OR2T33: variants seen among roughly 807,000 people sequenced by gnomAD.
The protein encoded by OR2T33 is olfactory receptor 2T33.
In OR2T33, 10 loss-of-function variants were observed where a neutral mutation model predicts 14.0. That is an observed-to-expected ratio of 0.72 (90% confidence interval 0.44 to 1.22). The LOEUF (loss-of-function observed/expected upper bound fraction) is 1.22, where lower values mean the gene tolerates loss of function less well. Ranked by LOEUF, OR2T33 falls within the 50% of genes most tolerant of loss-of-function variation. The pLI is 0.00. For synonymous variants in OR2T33, 103 were observed against 159.4 expected, an observed-to-expected ratio of 0.65 and a Z score of 2.66; for missense variants, 276 against 405.9, an observed-to-expected ratio of 0.68 and a Z score of 2.75.
intron 1 of OR2T33, among the ~76,000 whole-genome samples, chr1:248,275,101 C>T (rs1360930427): frequency 6.6e-6 from 1 of 152,136 alleles, no homozygotes; most frequent in African/African-American, 2.4e-5. Flanking sequence ...ATAGAATATT[C>T]GCAAATGTCA....
rs149706190 is a variant in OR2T33, at chr1:248,273,275, G to A, written c.540C>T (p.Pro180=). The change falls in exon 2 of 2, where the codon CCC becomes CCT. Residue 180 remains proline, a synonymous_variant. Transcript: ENST00000641220. ...CAGCACAAGCCAAACGCACCAGCAC[G>A]GGGGTCTCGCAGAAGAAGTGATCGA... ...HEIDHFFCET[P]VLVRLACADT... 15 of 1,610,160 alleles carry A rather than the reference G, an allele frequency of 9.3e-6. No homozygotes were observed. The highest frequency in any genetic ancestry group is 8.4e-5 in the Admixed American group (5 of 59,868).
chr1:248,276,643 G>T (rs1659450239), intron 1 of OR2T33, among the ~76,000 whole-genome samples: 1 of 151,898 alleles, frequency 6.6e-6, no homozygotes, highest in South Asian at 2.1e-4. Flanking sequence ...CTTTAATTTG[G>T]AACCATTGTT....
Position 248,272,829 on chromosome 1 carries a change from A to G in OR2T33, c.*23T>C, listed in dbSNP as rs1438401678. On this transcript the variant is annotated 3_prime_UTR_variant, in exon 2 of 2. Coordinates refer to ENST00000641220, the MANE Select transcript of OR2T33 (RefSeq NM_001004695.2). ...TGTTAAAATATTAATAAATTCAGGA[A>G]CTTAGACTCATTTGACATTAGATCA... 6.3e-7 allele frequency: 1 copy of G among 1,587,988 alleles called. No homozygotes were observed. Among genetic ancestry groups the G allele is most frequent in the Admixed American group, 1.8e-5 (1 of 54,862 alleles).
rs1348360813 is a variant in OR2T33 at position 248,270,869 on chromosome 1, A to G, written c.*1983T>C. On this transcript the variant is annotated 3_prime_UTR_variant, in exon 2 of 2. Coordinates refer to ENST00000641220, the MANE Select transcript of OR2T33 (RefSeq NM_001004695.2). ...ACAGGCTAGCCAAAAAGCAGGAAAA[A>G]ATATTTATAGTACAGATGTTTGACA... The G allele has an allele frequency of 1.3e-5, 2 of 152,156 alleles. No individual in the cohort carries two copies. Among genetic ancestry groups the G allele is most frequent in the Admixed American group, 1.3e-4 (2 of 15,270 alleles). The allele number at this position is 152,156 out of a possible 1,614,324, so 9.4% of individuals were successfully genotyped here. A position where few individuals can be genotyped will look rare whatever the true frequency, so the allele number is the denominator to read the frequency against.
Position 248,273,374 on chromosome 1 carries a change from C to G in OR2T33, c.441G>C (p.Trp147Cys), listed in dbSNP as rs758592959. 6 of 1,612,144 alleles carry G rather than the reference C, an allele frequency of 3.7e-6. No homozygotes were observed. The South Asian group carries it at 6.6e-5, about 18-fold the overall frequency. The stretch of plus-strand genomic sequence containing the variant: ...GGAGCCCGTCAGCTGCACCCAGGAG[C>G]CAACACGACATGGTCATCCTCAGGC... Reference protein sequence around the residue: ...QLCLRMTMSCWLLGAADGLLQ... With the variant: ...QLCLRMTMSCCLLGAADGLLQ... The change falls in exon 2 of 2, where the codon TGG becomes TGC. Residue 147 changes from tryptophan (W) to cysteine (C), a missense_variant. Physicochemically the swap from Trp to Cys is radical, Grantham distance 215. Transcript: ENST00000641220.
At position 248,273,431 on chromosome 1, in the gene OR2T33, G is replaced by C. The variant is rs1459655835; in HGVS notation, c.384C>G (p.Leu128=). 1.9e-6 allele frequency: 3 copies of C among 1,612,628 alleles called. No individual in the cohort carries two copies. The highest frequency in any genetic ancestry group is 2.2e-5 in the South Asian group (2 of 91,008). ...YDRYAAVCHP[L]RYPTLMSWQL... ...GCCAGCTCATGAGAGTGGGATATCG[G>C]AGTGGGTGGCAGACAGCCGCATAGC... Residue 128 remains leucine (L), a synonymous_variant, in exon 2 of 2, where the codon CTC becomes CTG. Coordinates refer to ENST00000641220, the MANE Select transcript of OR2T33 (RefSeq NM_001004695.2).
rs765324295 is a variant in OR2T33 at position 248,273,110 on chromosome 1, G to C, written c.705C>G (p.Ala235=). 6.2e-7 allele frequency: 1 copy of C among 1,612,068 alleles called. No homozygotes were observed. Among genetic ancestry groups the C allele is most frequent in the Admixed American group, 1.7e-5 (1 of 59,978 alleles). ...CCACATGTGAAGAGCAGGTGGCAAAGGCCTTCTTGCGGGCTTCTGTAGAGC... is the reference window on the plus strand; with the variant it reads ...CCACATGTGAAGAGCAGGTGGCAAACGCCTTCTTGCGGGCTTCTGTAGAGC... ...HMRSTEARKK[A]FATCSSHVAV... Residue 235 remains alanine, a synonymous_variant, in exon 2 of 2, where the codon GCC becomes GCG. Transcript: ENST00000641220.
rs150714820 is a variant in OR2T33 at position 248,273,730 on chromosome 1, C to G, written c.85G>C (p.Val29Leu). The change falls in exon 2 of 2, where the codon GTT becomes CTT. Residue 29 changes from valine to leucine, a missense_variant. Val to Leu is a conservative substitution (Grantham distance 32). Transcript: ENST00000641220. ...TRAHQVLFMM[V>L]LSIVLTSLFG... ...AGGGAGGTCAAAACGATACTCAGAA[C>G]CATCATGAAGAGGACTTGGTGGGCT... 2.1e-3 allele frequency: 3,448 copies of G among 1,610,278 alleles called. 13 individuals carry two copies. In the African/African-American group the frequency reaches 0.029, roughly 14 times the overall value.
rs1486760162 is a variant in OR2T33 at position 248,273,538 on chromosome 1, C to T, written c.277G>A (p.Ala93Thr). 12 of 1,612,786 alleles carry T rather than the reference C, an allele frequency of 7.4e-6. No individual in the cohort carries two copies. The East Asian group carries it at 1.1e-4, about 15-fold the overall frequency. The change falls in exon 2 of 2, where the codon GCT becomes ACT. Residue 93 changes from alanine (A) to threonine (T), a missense_variant. Transcript: ENST00000641220. ...AAGAAGATCTGCACACCACAGCCAGCGCGGGAGATGGCCTTACTTCCGGTC... is the reference window on the plus strand; with the variant it reads ...AAGAAGATCTGCACACCACAGCCAGTGCGGGAGATGGCCTTACTTCCGGTC... ...YLTGSKAISR[A>T]GCGVQIFFLP...
intron 1 of OR2T33, among the ~76,000 whole-genome samples, chr1:248,275,629 A>G (rs976290752): frequency 2.6e-5 from 4 of 152,058 alleles, no homozygotes; most frequent in African/African-American, 9.7e-5. Context: ...CCAAACCACC[A>G]TCGCGCGTGT....
In OR2T33 at chr1:248,273,646, T is replaced by A. The variant is rs1194102717; in HGVS notation, c.169A>T (p.Met57Leu). ...GAAAGTTGGCTCAGGAGGAAGTACATGGGCGTGTGGAGCCGGTGGTCCCAG... is the reference window on the plus strand; with the variant it reads ...GAAAGTTGGCTCAGGAGGAAGTACAAGGGCGTGTGGAGCCGGTGGTCCCAG... ...IHWDHRLHTPMYFLLSQLSLM... is the reference protein window; with the variant it reads ...IHWDHRLHTPLYFLLSQLSLM... Residue 57 changes from methionine to leucine, a missense_variant, in exon 2 of 2, where the codon ATG becomes TTG. Transcript: ENST00000641220. The A allele has an allele frequency of 6.2e-7, 1 of 1,613,694 alleles. No homozygotes were observed. The highest frequency in any genetic ancestry group is 1.3e-5 in the African/African-American group (1 of 74,862).
rs147622928 is a variant in OR2T33, at chr1:248,273,036, G to A, written c.779C>T (p.Pro260Leu). 321 of 1,613,802 alleles carry A rather than the reference G, an allele frequency of 2.0e-4. No individual in the cohort carries two copies. Among genetic ancestry groups the A allele is most frequent in the Admixed American group, 4.5e-4 (27 of 59,998 alleles). ...ATGGTTAGTGGACCTATGGGATTTG[G>A]GTCTCATATAGGTAAAAATGGCAGC... ...YGAAIFTYMR[P>L]KSHRSTNHDK... Residue 260 changes from proline to leucine, a missense_variant, in exon 2 of 2, where the codon CCC (proline) becomes CTC (leucine). Coordinates refer to ENST00000641220, the MANE Select transcript of OR2T33 (RefSeq NM_001004695.2).
intron 1 of OR2T33, among the ~76,000 whole-genome samples, chr1:248,274,690 T>G (rs1438573882): frequency 6.6e-6 from 1 of 152,192 alleles, no homozygotes; most frequent in East Asian, 1.9e-4. Flanking sequence ...GTAACTATAA[T>G]GAGTAAGTAG....
chr1:248,275,364 GC>G (rs1180565180), intron 1 of OR2T33, among the ~76,000 whole-genome samples: 10 of 152,198 alleles, frequency 6.6e-5, no homozygotes, highest in African/African-American at 2.4e-4. Flanking sequence ...CACTACATGT[GC>G]CAAGCCTGTG....
chr1:248,273,299 G>C lies in OR2T33; in HGVS notation c.516C>G (p.Ile172Met), dbSNP rs766081047. The C allele has an allele frequency of 6.2e-7, 1 of 1,610,466 alleles. No homozygotes were observed. Among genetic ancestry groups the C allele is most frequent in the Non-Finnish European group, 8.5e-7 (1 of 1,179,086 alleles). ...CGGGGGTCTCGCAGAAGAAGTGATC[G>C]ATCTCGTGTGCACCACAATATGGGA... ...LSFPYCGAHE[I>M]DHFFCETPVL... Residue 172 changes from isoleucine to methionine, a missense_variant, in exon 2 of 2, where the codon ATC becomes ATG. Ile to Met is a conservative substitution (Grantham distance 10). Transcript: ENST00000641220.
chr1:248,274,709 G>T (rs780309622), intron 1 of OR2T33, among the ~76,000 whole-genome samples: 1 of 152,186 alleles, frequency 6.6e-6, no homozygotes, highest in Non-Finnish European at 1.5e-5. Flanking sequence ...AGTACTTCGA[G>T]TAAGAAAAGG....
Position 248,271,400 on chromosome 1 carries a change from G to C in OR2T33, c.*1452C>G, listed in dbSNP as rs1195740976. The C allele has an allele frequency of 1.7e-5, 1 of 58,372 alleles. No individual in the cohort carries two copies. The highest frequency in any genetic ancestry group is 7.6e-5 in the African/African-American group (1 of 13,150). The allele number at this position is 58,372 out of a possible 1,614,324, so 3.6% of individuals were successfully genotyped here. The stretch of plus-strand genomic sequence containing the variant: ...TGCTCCTTTCTCACCCTAACACTGG[G>C]TAAGGAGATAAAATTAACAAGAGTA... On this transcript the variant is annotated 3_prime_UTR_variant, in exon 2 of 2. Coordinates refer to ENST00000641220, the MANE Select transcript of OR2T33 (RefSeq NM_001004695.2).
Position 248,273,299 on chromosome 1 carries a change from G to A in OR2T33, c.516C>T (p.Ile172=), listed in dbSNP as rs766081047. 26 of 1,610,348 alleles carry A rather than the reference G, an allele frequency of 1.6e-5. No homozygotes were observed. The Admixed American group carries it at 3.8e-4, about 24-fold the overall frequency. ...CGGGGGTCTCGCAGAAGAAGTGATC[G>A]ATCTCGTGTGCACCACAATATGGGA... ...LSFPYCGAHE[I]DHFFCETPVL... Residue 172 remains isoleucine, a synonymous_variant, in exon 2 of 2, where the codon ATC becomes ATT. Coordinates refer to ENST00000641220, the MANE Select transcript of OR2T33 (RefSeq NM_001004695.2).
rs771690760 is a variant in OR2T33 at position 248,273,406 on chromosome 1, G to A, written c.409C>T (p.Gln137Ter). ...PLRYPTLMSW[Q>*]LCLRMTMSCW... ...GACATGGTCATCCTCAGGCACAGCT[G>A]CCAGCTCATGAGAGTGGGATATCGG... The change falls in exon 2 of 2, where the codon CAG becomes TAG. Residue 137 changes from glutamine to a stop codon, truncating the protein, a stop_gained. Coordinates refer to ENST00000641220, the MANE Select transcript of OR2T33 (RefSeq NM_001004695.2). LOFTEE classifies it high-confidence loss of function. 1 of 1,612,464 alleles carries A rather than the reference G, an allele frequency of 6.2e-7. No homozygotes were observed.
Sources: allele counts gnomAD v4.1 joint callset (sites outside exome capture counted in the v4.1 genomes callset), GRCh38; gene constraint gnomAD v4.1.1; transcripts MANE v1.5; gene names NCBI Gene and HGNC (gene_info 2026-07-23, HGNC 2026-07-21).